ADAMTSL1: variants seen among roughly 807,000 people sequenced by gnomAD.
The protein encoded by ADAMTSL1 is ADAMTS like 1.
In ADAMTSL1, 126 loss-of-function variants were observed where a neutral mutation model predicts 201.8. The observed-to-expected ratio is 0.62, with a 90% CI of 0.54 to 0.72. The LOEUF (loss-of-function observed/expected upper bound fraction) is 0.72. Ranked by LOEUF, ADAMTSL1 falls within the 30% of genes least tolerant of loss-of-function variation. ADAMTSL1 has a pLI of 0.00. For missense variants in ADAMTSL1, 2,679 were observed against 2,277.8 expected (o/e 1.18, Z -3.59); for synonymous variants, 1,121 against 903.4 (o/e 1.24, Z -4.32).
chr9:18,669,277 A>G (rs1829661411), intron 9 of ADAMTSL1, among the ~76,000 whole-genome samples: 1 of 152,248 alleles, frequency 6.6e-6, no homozygotes, highest in Non-Finnish European at 1.5e-5. Context: ...AGAAGTAAAC[A>G]AAGACCAAGG....
At chr9:18,574,513 T>A in intron 4 of ADAMTSL1, 1 of 584,264 alleles carries the variant, frequency 1.7e-6, no homozygotes, top group Admixed American at 3.0e-5. Context: ...AGAATAAAAA[T>A]TTTTGAATAG....
chr9:18,570,871 A>G (rs1339921773), intron 3 of ADAMTSL1, among the ~76,000 whole-genome samples: 1 of 152,204 alleles, frequency 6.6e-6, no homozygotes, highest in Non-Finnish European at 1.5e-5. Flanking sequence ...TCTCAGACCT[A>G]TTTCTCTAGT....
At chr9:18,351,017 A>G (rs879766005) in intron 2 of ADAMTSL1, among the ~76,000 whole-genome samples, 39 of 152,182 alleles carry the variant, frequency 2.6e-4, no homozygotes, top group Non-Finnish European at 2.4e-4. Flanking sequence ...ATTGCATCTC[A>G]CATAAATGGG....
At chr9:18,056,292 G>A (rs1822180909) in intron 1 of ADAMTSL1, among the ~76,000 whole-genome samples, 1 of 152,094 alleles carries the variant, frequency 6.6e-6, no homozygotes, top group African/African-American at 2.4e-5. Context: ...AGAATTTTTA[G>A]TGAAGAAATC....
intron 1 of ADAMTSL1, among the ~76,000 whole-genome samples, chr9:17,993,355 T>C (rs1202624033): frequency 6.6e-6 from 1 of 152,190 alleles, no homozygotes; most frequent in Non-Finnish European, 1.5e-5. Flanking sequence ...TCTACATATG[T>C]TTTCTGAGAA....
chr9:18,881,888 C>G (rs759724718), intron 23 of ADAMTSL1, among the ~76,000 whole-genome samples: 7 of 152,218 alleles, frequency 4.6e-5, no homozygotes, highest in Non-Finnish European at 8.8e-5. Context: ...CTACCCTATT[C>G]TCATCTGCAC....
At chr9:18,101,337 A>T (rs1051428012) in intron 1 of ADAMTSL1, among the ~76,000 whole-genome samples, 2 of 152,074 alleles carry the variant, frequency 1.3e-5, no homozygotes, top group Admixed American at 6.6e-5. Flanking sequence ...ATCTACTAAA[A>T]AAATACAAAA....
At chr9:18,638,896 G>A (rs1367294474) in intron 6 of ADAMTSL1, among the ~76,000 whole-genome samples, 8 of 152,076 alleles carry the variant, frequency 5.3e-5, no homozygotes, top group African/African-American at 1.9e-4. Flanking sequence ...ATCCTAGGCT[G>A]AGGGCCATCA....
At position 18,680,651 on chromosome 9, in the gene ADAMTSL1, G is replaced by C. The variant is rs535974353; in HGVS notation, c.1341+135G>C. 1.7e-4 allele frequency: 157 copies of C among 913,614 alleles called. No individual in the cohort carries two copies. In the South Asian group the frequency reaches 2.2e-3, roughly 13 times the overall value. The allele number at this position is 913,614 out of a possible 1,614,324, so 56.6% of individuals were successfully genotyped here. A position where few individuals can be genotyped will look rare whatever the true frequency, so the allele number is the denominator to read the frequency against. ...CTAGAAGCCTACCAGCTTAGCTCCTGGAGTAGGAATGCCCCAAATCCAGCA... is the reference window on the plus strand; with the variant it reads ...CTAGAAGCCTACCAGCTTAGCTCCTCGAGTAGGAATGCCCCAAATCCAGCA... On this transcript the variant is annotated intron_variant, in intron 11 of 28. Coordinates refer to ENST00000380548, the MANE Select transcript of ADAMTSL1 (RefSeq NM_001040272.6).
intron 7 of ADAMTSL1, among the ~76,000 whole-genome samples, chr9:18,640,372 A>G (rs118142828): frequency 6.6e-6 from 1 of 152,268 alleles, no homozygotes; most frequent in Non-Finnish European, 1.5e-5. Context: ...TCCAGTAAAG[A>G]AGTGAAAGAT....
At chr9:18,035,635 C>T (rs1024573993) in intron 1 of ADAMTSL1, among the ~76,000 whole-genome samples, 8 of 152,102 alleles carry the variant, frequency 5.3e-5, no homozygotes, top group African/African-American at 1.9e-4. Context: ...ACTCCTAACC[C>T]CCTTTGCCCT....
intron 19 of ADAMTSL1, among the ~76,000 whole-genome samples, chr9:18,784,245 C>T (rs1014708217): frequency 3.9e-5 from 6 of 152,180 alleles, no homozygotes; most frequent in East Asian, 1.9e-4. Context: ...AATACTCTCT[C>T]GGCCTTACCA....
chr9:18,056,418 G>A (rs1278226405), intron 1 of ADAMTSL1, among the ~76,000 whole-genome samples: 1 of 152,170 alleles, frequency 6.6e-6, no homozygotes, highest in South Asian at 2.1e-4. Flanking sequence ...CCGGGGCTCT[G>A]CACAGCAGCA....
chr9:18,590,472 G>C (rs563098414), intron 4 of ADAMTSL1, among the ~76,000 whole-genome samples: 3 of 151,478 alleles, frequency 2.0e-5, no homozygotes, highest in Non-Finnish European at 4.4e-5. Flanking sequence ...TCAACTTTTC[G>C]TTTTGTTGAC....
At chr9:18,249,136 G>T (rs1022577085) in intron 2 of ADAMTSL1, among the ~76,000 whole-genome samples, 3 of 152,054 alleles carry the variant, frequency 2.0e-5, no homozygotes, top group African/African-American at 7.2e-5. Context: ...TTTCAGACAC[G>T]AAACAAGGAA....
At position 18,812,219 on chromosome 9, in the gene ADAMTSL1, A is replaced by T. The variant is rs144122769; in HGVS notation, c.3806-4890A>T. ...AAATAATATTGTGTGATATTGGTAG[A>T]GGGACAGACACATAGATCAGTGGAA... On this transcript the variant is annotated intron_variant, in intron 20 of 28. Coordinates refer to ENST00000380548, the MANE Select transcript of ADAMTSL1 (RefSeq NM_001040272.6). 1.2e-3 allele frequency among the ~76,000 whole-genome samples: 183 copies of T among 152,344 alleles called. 1 individual carries two copies. The highest frequency in any genetic ancestry group is 3.9e-3 in the African/African-American group (164 of 41,590).
At chr9:18,248,659 A>G (rs1354697003) in intron 2 of ADAMTSL1, among the ~76,000 whole-genome samples, 2 of 152,316 alleles carry the variant, frequency 1.3e-5, no homozygotes, top group African/African-American at 4.8e-5. Context: ...GGATTCTTCC[A>G]CGTGCCGTTC....
At chr9:18,107,127 A>T (rs1474305313) in intron 1 of ADAMTSL1, among the ~76,000 whole-genome samples, 1 of 152,166 alleles carries the variant, frequency 6.6e-6, no homozygotes, top group East Asian at 1.9e-4. Flanking sequence ...TTCTTGCATA[A>T]CTGCAGCACT....
chr9:17,936,454 A>G (rs1827012878), intron 1 of ADAMTSL1, among the ~76,000 whole-genome samples: 2 of 152,148 alleles, frequency 1.3e-5, no homozygotes, highest in Admixed American at 1.3e-4. Flanking sequence ...TGAGAGAAGA[A>G]ACACAGGCTG....
Sources: gnomAD v4.1 joint callset for allele counts (sites outside exome capture counted in the v4.1 genomes callset) on GRCh38, gnomAD v4.1.1 for gene constraint, MANE v1.5 for transcripts, NCBI Gene and HGNC (gene_info 2026-07-23, HGNC 2026-07-21) for gene names.